The following OFD1 variants were observed in gnomAD, a reference collection of about 807,000 sequenced individuals.
OFD1 encodes centriole and centriolar satellite protein OFD1.
Under a neutral mutation model 81.4 loss-of-function variants are expected in OFD1, and 12 were observed. The observed-to-expected ratio is 0.15, with a 90% CI of 0.09 to 0.24. The LOEUF (loss-of-function observed/expected upper bound fraction) is 0.24. OFD1 is among the 10% of genes least tolerant of loss of function. The probability of loss-of-function intolerance (pLI) is 1.00; values close to 1 mark genes in which losing one functional copy is unlikely to be tolerated. For synonymous variants in OFD1, 256 were observed against 263.7 expected (o/e 0.97, Z 0.28); for missense variants, 685 against 733.9 (o/e 0.93, Z 0.77).
intron 21 of OFD1, 26 bp from the exon 22 acceptor site, chrX:13,768,692 A>T (rs774560864): frequency 4.2e-6 from 5 of 1,179,127 alleles, no homozygotes; most frequent in Admixed American, 4.4e-5. Flanking sequence ...TAATTTCAAA[A>T]TTTTCCACCC....
At chrX:13,753,074 G>C (rs183795540) in intron 10 of OFD1, 17 of 928,867 alleles carry the variant, frequency 1.8e-5, no homozygotes, top group Non-Finnish European at 2.1e-5. Flanking sequence ...CTTTGTGTCA[G>C]TTGAGACCAA....
rs747276682 is a variant in OFD1 at position 13,746,784 on chromosome X, A to G, written c.659A>G (p.Lys220Arg). 6.7e-6 allele frequency: 8 copies of G among 1,192,889 alleles called. No individual in the cohort carries two copies. Among genetic ancestry groups the G allele is most frequent in the Non-Finnish European group, 7.9e-6 (7 of 880,795 alleles). The change falls in exon 8 of 23, where the codon AAG becomes AGG. Residue 220 changes from lysine (K) to arginine (R), a missense_variant. By Grantham distance (26) the Lys-to-Arg change is conservative. Transcript: ENST00000340096. ...TTTTTTGTGATCAATTTGCAGTTGA[A>G]GTTTTTTAAAGATACCGAGATAGCA... Reference protein sequence around the residue: ...QLRAEMCQKLKFFKDTEIAKI... With the variant: ...QLRAEMCQKLRFFKDTEIAKI...
chrX:13,739,310 A>C (rs2046996366), intron 5 of OFD1: 1 of 323,098 alleles, frequency 3.1e-6, no homozygotes, highest in Non-Finnish European at 5.3e-6. Flanking sequence ...AAAAAAAAAA[A>C]AAAACTAATA....
Position 13,769,230 on chromosome X carries a change from G to GT in OFD1, c.*131dup, listed in dbSNP as rs201476486. 543 of 571,017 alleles carry GT rather than the reference G, an allele frequency of 9.5e-4. 1 individual carries two copies. The highest frequency in any genetic ancestry group is 1.1e-3 in the Admixed American group (40 of 34,909). 47.1% of individuals were successfully genotyped at this position (571,017 alleles called of 1,213,427 possible). The stretch of plus-strand genomic sequence containing the variant: ...TAAAAATGTGTGTAATCCAATGTGG[G>GT]TTTTTTTTTCCATAATTAATTTTGA... On this transcript the variant is annotated 3_prime_UTR_variant, in exon 23 of 23. Coordinates refer to ENST00000340096, the MANE Select transcript of OFD1 (RefSeq NM_003611.3).
the OFD1 span, among the ~76,000 whole-genome samples, chrX:13,717,015 T>TA: frequency 9.9e-5 from 3 of 30,235 alleles, no homozygotes; most frequent in African/African-American, 1.3e-4. Flanking sequence ...TCTAAACATG[T>TA]AAAAAAAGGA....
At chrX:13,746,681 A>T in intron 7 of OFD1, 99 bp from the exon 8 acceptor site, 1 of 703,064 alleles carries the variant, frequency 1.4e-6, no homozygotes, top group Non-Finnish European at 2.1e-6. Context: ...ATATATTTGG[A>T]CAGAGCATTA....
rs773793027 is a variant in OFD1 at position 13,767,110 on chromosome X, ATTTTCTGT to A, written c.2600-16_2600-9del. ...AATCTGATACTGGAAGCTACTCTTT[ATTTTCTGT>A]CCTATTAGGTGTAGATCAGAAACAA... On this transcript the variant is annotated splice_polypyrimidine_tract_variant and intron_variant, in intron 19 of 22. Coordinates refer to ENST00000340096, the MANE Select transcript of OFD1 (RefSeq NM_003611.3). 20 of 1,202,451 alleles carry A rather than the reference ATTTTCTGT, an allele frequency of 1.7e-5. No individual in the cohort carries two copies. In the East Asian group the frequency reaches 5.9e-4, roughly 36 times the overall value.
chrX:13,764,947 A>C (rs950537575), intron 19 of OFD1, among the ~76,000 whole-genome samples: 1 of 111,579 alleles, frequency 9.0e-6, no homozygotes, highest in Non-Finnish European at 1.9e-5. Flanking sequence ...GCAGCAGCTG[A>C]GTAGGGGCCG....
At chrX:13,767,369 T>A in intron 20 of OFD1, 85 bp downstream of exon 20, 2 of 1,021,599 alleles carry the variant, frequency 2.0e-6, no homozygotes, top group Non-Finnish European at 2.8e-6. Flanking sequence ...GGGGAGTCAA[T>A]TGGTGTACAA....
upstream of OFD1, among the ~76,000 whole-genome samples, chrX:13,730,756 T>C (rs1255144583): frequency 9.0e-6 from 1 of 111,325 alleles, no homozygotes; most frequent in Non-Finnish European, 1.9e-5. Flanking sequence ...GATGAGTTCA[T>C]GTCCTTTGTA....
At chrX:13,749,285 T>C in intron 8 of OFD1, 142 bp from the exon 9 acceptor site, 1 of 471,690 alleles carries the variant, frequency 2.1e-6, no homozygotes, top group Non-Finnish European at 3.8e-6. Context: ...AAAGTATACC[T>C]TGAGTCGGAA....
intron 19 of OFD1, 95 bp downstream of exon 19, chrX:13,763,950 C>A: frequency 1.5e-6 from 1 of 674,124 alleles, no homozygotes; most frequent in Non-Finnish European, 2.4e-6. Flanking sequence ...CTGAAGTCAT[C>A]TTGTAGGTGT....
intron 12 of OFD1, among the ~76,000 whole-genome samples, 198 bp from the exon 13 acceptor site, chrX:13,756,380 C>A (rs564921155): frequency 1.8e-5 from 2 of 111,627 alleles, no homozygotes; most frequent in South Asian, 7.4e-4. Flanking sequence ...GGGATGCGGC[C>A]TATAAAAGTT....
chrX:13,722,208 C>CCAAAAAAAAAAAAAAAAAAAAAAA, the OFD1 span: 2 of 36,116 alleles, frequency 5.5e-5, no homozygotes, highest in African/African-American at 2.4e-4. Context: ...TAAGCAGCAG[C>CCAAAAAAAAAAAAAAAAAAAAAAA]AAAAAAAAAA....
rs1172097724 is a variant in OFD1 at position 13,767,076 on chromosome X, C to A, written c.2600-51C>A. On this transcript the variant is annotated intron_variant, in intron 19 of 22. Transcript: ENST00000340096. ...GGCTCCTGCAGACTGGTCCTGCATTCATTTGAATAATCTGATACTGGAAGC... is the reference window on the plus strand; with the variant it reads ...GGCTCCTGCAGACTGGTCCTGCATTAATTTGAATAATCTGATACTGGAAGC... The A allele has an allele frequency of 1.3e-5, 15 of 1,163,016 alleles. No individual in the cohort carries two copies. The South Asian group carries it at 2.2e-4, about 17-fold the overall frequency.
chrX:13,773,018 TGAGG>T, downstream of OFD1: 1 of 1,209,896 alleles, frequency 8.3e-7, no homozygotes, highest in Non-Finnish European at 1.1e-6. Flanking sequence ...GACAGTATCA[TGAGG>T]AAGTGGATCT....
rs899487870 is a variant in OFD1, at chrX:13,759,436, A to G, written c.1655-679A>G. ...CGAGGGCAAGCTTCTTTCTTGTAGC[A>G]TCACGGGGAGGCATTGCAGGAGAGA... On this transcript the variant is annotated intron_variant, in intron 15 of 22. Transcript: ENST00000340096. Among the ~76,000 whole-genome samples, 6 of 112,468 alleles carry G rather than the reference A, an allele frequency of 5.3e-5. No individual in the cohort carries two copies. The South Asian group carries it at 2.2e-3, about 41-fold the overall frequency.
At chrX:13,752,582 C>A in intron 10 of OFD1, 1 of 542,278 alleles carries the variant, frequency 1.8e-6, no homozygotes, top group Non-Finnish European at 2.6e-6. Context: ...AGTTTCTATA[C>A]TAAAATAGCT....
At chrX:13,773,618 G>A (rs1339014798), downstream of OFD1, 2 of 111,637 alleles carry the variant, frequency 1.8e-5, no homozygotes, top group Non-Finnish European at 3.8e-5. Context: ...TTTTGTAAAT[G>A]CCATTATTTC....
Sources: gnomAD v4.1 joint callset for allele counts (sites outside exome capture counted in the v4.1 genomes callset) on GRCh38, gnomAD v4.1.1 for gene constraint, MANE v1.5 for transcripts, NCBI Gene and HGNC (gene_info 2026-07-23, HGNC 2026-07-21) for gene names.